Variants in VIRMA observed in about 807,000 individuals in gnomAD.
VIRMA encodes vir like m6A methyltransferase associated.
In VIRMA, 65 loss-of-function variants were observed where a neutral mutation model predicts 182.4. The ratio of observed to expected loss-of-function variants is 0.36; its 90% CI spans 0.29 to 0.44. The LOEUF (loss-of-function observed/expected upper bound fraction) is 0.44. Among genes scored for constraint, VIRMA ranks in the 20% least tolerant of loss-of-function variants. The pLI is 1.00. For missense variants in VIRMA, 1,752 were observed against 2,158.1 expected, an observed-to-expected ratio of 0.81 and a Z score of 3.73; for synonymous variants, 709 against 743.1, an observed-to-expected ratio of 0.95 and a Z score of 0.75.
chr8:94,550,863 C>T (rs1271901452), intron 1 of VIRMA, among the ~76,000 whole-genome samples: 1 of 152,068 alleles, frequency 6.6e-6, no homozygotes, highest in Non-Finnish European at 1.5e-5. Context: ...GGACTATAGA[C>T]GCACACCGCC....
rs746597322 is a variant in VIRMA, at chr8:94,491,922, A to G, written c.4809-13T>C. 6.6e-7 allele frequency: 1 copy of G among 1,505,864 alleles called. No homozygotes were observed. Among genetic ancestry groups the G allele is most frequent in the Non-Finnish European group, 8.9e-7 (1 of 1,122,002 alleles). The allele number at this position is 1,505,864 out of a possible 1,614,324, so 93.3% of individuals were successfully genotyped here. On this transcript the variant is annotated splice_polypyrimidine_tract_variant and intron_variant, in intron 21 of 23. Transcript: ENST00000297591. ...TTCAGATTTTCCACTATTAAAACAAAAACATGCCATAAAACATTTTTCTTT... is the reference window on the plus strand; with the variant it reads ...TTCAGATTTTCCACTATTAAAACAAGAACATGCCATAAAACATTTTTCTTT...
intron 6 of VIRMA, among the ~76,000 whole-genome samples, chr8:94,529,650 T>C (rs1360393724): frequency 3.3e-5 from 5 of 151,948 alleles, no homozygotes; most frequent in Non-Finnish European, 7.4e-5. Context: ...ATTTATTTTC[T>C]TTTTTTGAGA....
intron 1 of VIRMA, among the ~76,000 whole-genome samples, chr8:94,544,217 C>T (rs1286441292): frequency 6.6e-6 from 1 of 152,184 alleles, no homozygotes; most frequent in East Asian, 1.9e-4. Flanking sequence ...TATCTGAAAT[C>T]TCTGGAGCCA....
At chr8:94,538,643 T>C (rs1308753545) in intron 2 of VIRMA, among the ~76,000 whole-genome samples, 2 of 152,112 alleles carry the variant, frequency 1.3e-5, no homozygotes, top group African/African-American at 4.8e-5. Flanking sequence ...AGTTTCGCTC[T>C]TGTTACCCAA....
rs771858740 is a variant in VIRMA at position 94,488,693 on chromosome 8, C to T, written c.*13G>A. On this transcript the variant is annotated 3_prime_UTR_variant, in exon 24 of 24. Coordinates refer to ENST00000297591, the MANE Select transcript of VIRMA (RefSeq NM_015496.5). ...AATGTTCATATACAGTTAAGATGTT[C>T]CCAAAAGGATTTTTATCGTGTAAAG... 6.2e-7 allele frequency: 1 copy of T among 1,613,566 alleles called. No homozygotes were observed. The highest frequency in any genetic ancestry group is 8.5e-7 in the Non-Finnish European group (1 of 1,179,672).
chr8:94,538,651 C>A (rs951825774), intron 2 of VIRMA, among the ~76,000 whole-genome samples: 4 of 151,994 alleles, frequency 2.6e-5, no homozygotes, highest in African/African-American at 9.7e-5. Flanking sequence ...TCTTGTTACC[C>A]AAGCTGGAGT....
intron 13 of VIRMA, 87 bp from the exon 14 acceptor site, chr8:94,510,739 AAAG>A: frequency 9.9e-7 from 1 of 1,015,184 alleles, no homozygotes; most frequent in South Asian, 1.5e-5. Context: ...AATGTTATGA[AAAG>A]AACATTTTTA....
Position 94,546,606 on chromosome 8 carries a change from GT to G in VIRMA, c.64-2665del, listed in dbSNP as rs1815775491. The stretch of plus-strand genomic sequence containing the variant: ...AATAGTTTTTGGGATACAAGTGGTT[GT>G]TTACATGGATAAGTTCTTTAACGGT... On this transcript the variant is annotated intron_variant, in intron 1 of 23. Transcript: ENST00000297591. 1.3e-5 allele frequency among the ~76,000 whole-genome samples: 2 copies of G among 150,896 alleles called. 1 individual carries two copies. Among genetic ancestry groups the G allele is most frequent in the African/African-American group, 5.0e-5 (2 of 40,280 alleles).
intron 5 of VIRMA, chr8:94,533,666 C>T (rs1324336226): frequency 2.1e-5 from 3 of 143,284 alleles, no homozygotes; most frequent in Admixed American, 7.3e-5. Context: ...GTTGCCCAGG[C>T]TGGTCTCACA....
At chr8:94,548,189 C>T (rs1815842716) in intron 1 of VIRMA, among the ~76,000 whole-genome samples, 1 of 150,000 alleles carries the variant, frequency 6.7e-6, no homozygotes, top group Non-Finnish European at 1.5e-5. Context: ...TGTATTTGTA[C>T]CTCATACATG....
intron 16 of VIRMA, among the ~76,000 whole-genome samples, chr8:94,504,124 A>C (rs1008199015): frequency 1.3e-5 from 2 of 151,932 alleles, no homozygotes; most frequent in Non-Finnish European, 2.9e-5. Context: ...CTGTGAGCTG[A>C]GATTGTGCCA....
intron 16 of VIRMA, among the ~76,000 whole-genome samples, chr8:94,502,686 G>C (rs1020990202): frequency 6.6e-6 from 1 of 152,036 alleles, no homozygotes; most frequent in African/African-American, 2.4e-5. Context: ...GGGGCTCCTT[G>C]GAGAACAAGT....
rs142444832 is a variant in VIRMA at position 94,523,030 on chromosome 8, T to G, written c.2021+3193A>C. ...CTCAGTAAGTATTTAATTACTAGCTTCTTCTCAGTGACTGAAAACATCACC... is the reference window on the plus strand; with the variant it reads ...CTCAGTAAGTATTTAATTACTAGCTGCTTCTCAGTGACTGAAAACATCACC... On this transcript the variant is annotated intron_variant, in intron 8 of 23. Coordinates refer to ENST00000297591, the MANE Select transcript of VIRMA (RefSeq NM_015496.5). Among the ~76,000 whole-genome samples, 188 of 152,330 alleles carry G rather than the reference T, an allele frequency of 1.2e-3. 1 individual carries two copies. Among genetic ancestry groups the G allele is most frequent in the African/African-American group, 4.3e-3 (179 of 41,570 alleles).
chr8:94,501,878 C>G (rs1446706332), intron 16 of VIRMA, among the ~76,000 whole-genome samples: 1 of 152,186 alleles, frequency 6.6e-6, no homozygotes, highest in African/African-American at 2.4e-5. Flanking sequence ...AATTTCCATG[C>G]ACTATTCAGT....
chr8:94,492,030 G>A (rs1813619135), intron 21 of VIRMA, 121 bp from the exon 22 acceptor site: 6 of 675,018 alleles, frequency 8.9e-6, no homozygotes, highest in Non-Finnish European at 1.4e-5. Flanking sequence ...AACTTTGCAA[G>A]TATCTATCAT....
chr8:94,492,563 C>T (rs750593259), intron 21 of VIRMA, 89 bp downstream of exon 21: 25 of 1,172,262 alleles, frequency 2.1e-5, no homozygotes, highest in Non-Finnish European at 2.6e-5. Context: ...TGAGCCACCG[C>T]GCTCGGCCGC....
intron 8 of VIRMA, among the ~76,000 whole-genome samples, chr8:94,523,990 T>G (rs943736378): frequency 4.5e-5 from 6 of 134,708 alleles, no homozygotes; most frequent in Admixed American, 1.5e-4. Context: ...GTGTGTGTGT[T>G]TTTGTTACTT....
At chr8:94,544,712 A>C (rs890931863) in intron 1 of VIRMA, among the ~76,000 whole-genome samples, 2 of 151,398 alleles carry the variant, frequency 1.3e-5, no homozygotes, top group Non-Finnish European at 2.9e-5. Context: ...GCACCATATC[A>C]GTTCAGATTA....
At chr8:94,493,687 T>C (rs919918171) in intron 20 of VIRMA, among the ~76,000 whole-genome samples, 1 of 152,202 alleles carries the variant, frequency 6.6e-6, no homozygotes, top group Non-Finnish European at 1.5e-5. Context: ...TTTAATTGAA[T>C]TGTATGTGGT....
Sources: gnomAD v4.1 joint callset for allele counts (sites outside exome capture counted in the v4.1 genomes callset) on GRCh38, gnomAD v4.1.1 for gene constraint, MANE v1.5 for transcripts, NCBI Gene and HGNC (gene_info 2026-07-23, HGNC 2026-07-21) for gene names.